The following ADK variants were observed in gnomAD, a reference collection of about 807,000 sequenced individuals.
ADK encodes adenosine kinase.
ADK carries 24 observed loss-of-function variants against 44.7 expected under a neutral mutation model. The observed-to-expected ratio is 0.54, with a 90% CI of 0.39 to 0.76. ADK has a LOEUF of 0.76. ADK is among the 30% of genes least tolerant of loss of function. ADK has a pLI of 0.00. For missense variants in ADK, 321 were observed against 425.1 expected, an observed-to-expected ratio of 0.76 and a Z score of 2.15; for synonymous variants, 128 against 142.6, an observed-to-expected ratio of 0.90 and a Z score of 0.73.
intron 6 of ADK, among the ~76,000 whole-genome samples, chr10:74,404,033 C>A (rs140053748): frequency 1.3e-5 from 2 of 152,060 alleles, no homozygotes; most frequent in East Asian, 3.9e-4. Context: ...CCACCATGCC[C>A]GGCTAATTTT....
chr10:74,372,627 G>A (rs979234130), intron 4 of ADK, among the ~76,000 whole-genome samples: 5 of 151,920 alleles, frequency 3.3e-5, no homozygotes, highest in Non-Finnish European at 7.4e-5. Context: ...AAGAAATAAT[G>A]TACTTAAGTA....
chr10:74,527,639 C>T (rs1406005135), intron 7 of ADK: 2 of 815,466 alleles, frequency 2.5e-6, no homozygotes, highest in Non-Finnish European at 4.4e-6. Context: ...ATCTTATGGC[C>T]TCTGAATATT....
chr10:74,686,454 G>A (rs529130400), intron 10 of ADK, among the ~76,000 whole-genome samples: 1 of 152,202 alleles, frequency 6.6e-6, no homozygotes, highest in African/African-American at 2.4e-5. Flanking sequence ...GAGGCTTCAT[G>A]CAGCATTTGG....
At chr10:74,185,818 CA>C (rs1164019596) in intron 1 of ADK, among the ~76,000 whole-genome samples, 1 of 104,202 alleles carries the variant, frequency 9.6e-6, no homozygotes, top group African/African-American at 3.7e-5. Flanking sequence ...GCCTGGGCGA[CA>C]AAGCGAGACT....
In ADK at chr10:74,475,524, A is replaced by G. The variant is rs377472041; in HGVS notation, c.556-49732A>G. On this transcript the variant is annotated intron_variant, in intron 6 of 10. Coordinates refer to ENST00000539909, the MANE Select transcript of ADK (RefSeq NM_006721.4). ...CCAGGAGTTTGAGACCAGCCTGGACAATGTAGTAAGACCCCCATCTCTTAA... is the reference window on the plus strand; with the variant it reads ...CCAGGAGTTTGAGACCAGCCTGGACGATGTAGTAAGACCCCCATCTCTTAA... Among the ~76,000 whole-genome samples, 27 of 141,948 alleles carry G rather than the reference A, an allele frequency of 1.9e-4. 1 individual carries two copies. The South Asian group carries it at 2.3e-3, about 12-fold the overall frequency. 93.1% of individuals were successfully genotyped at this position (141,948 alleles called of 152,430 possible).
At chr10:74,465,888 T>G (rs1234014604) in intron 6 of ADK, among the ~76,000 whole-genome samples, 1 of 152,210 alleles carries the variant, frequency 6.6e-6, no homozygotes, top group African/African-American at 2.4e-5. Context: ...ATAATTTTTT[T>G]GTCTCAAACT....
chr10:74,571,574 G>A (rs1305869495), intron 7 of ADK, among the ~76,000 whole-genome samples: 8 of 152,236 alleles, frequency 5.3e-5, no homozygotes, highest in African/African-American at 9.6e-5. Flanking sequence ...GTTTATTTGC[G>A]TAGAGGTGTT....
At chr10:74,608,004 T>G (rs1852394182) in intron 9 of ADK, among the ~76,000 whole-genome samples, 1 of 151,676 alleles carries the variant, frequency 6.6e-6, no homozygotes, top group African/African-American at 2.4e-5. Flanking sequence ...TGATATCCTT[T>G]CTTCTGCTTG....
chr10:74,409,522 C>T (rs912737103), intron 6 of ADK, among the ~76,000 whole-genome samples: 3 of 152,096 alleles, frequency 2.0e-5, no homozygotes, highest in Non-Finnish European at 4.4e-5. Context: ...TCCTTTAGCA[C>T]TCATGCCTAT....
intron 4 of ADK, among the ~76,000 whole-genome samples, chr10:74,338,479 A>T (rs1408500332): frequency 2.0e-5 from 3 of 152,240 alleles, no homozygotes; most frequent in African/African-American, 7.2e-5. Context: ...TATTTACATC[A>T]GCTTAATTTG....
intron 5 of ADK, among the ~76,000 whole-genome samples, chr10:74,396,291 T>C (rs939193231): frequency 4.6e-5 from 7 of 152,064 alleles, no homozygotes; most frequent in Admixed American, 4.6e-4. Context: ...CCTAACACTT[T>C]AGGAGACCGA....
chr10:74,352,374 G>C (rs1161710401), intron 4 of ADK, among the ~76,000 whole-genome samples: 1 of 152,196 alleles, frequency 6.6e-6, no homozygotes. Context: ...CTAGCCATAT[G>C]CAGAAAATTG....
chr10:74,628,029 G>A (rs1314288520), intron 9 of ADK, among the ~76,000 whole-genome samples: 1 of 152,074 alleles, frequency 6.6e-6, no homozygotes, highest in African/African-American at 2.4e-5. Flanking sequence ...ATCATAATGG[G>A]GATCATTAGG....
At position 74,316,252 on chromosome 10, in the gene ADK, G is replaced by A. The variant is rs568928006; in HGVS notation, c.273+1507G>A. ...GAGACTCCATCTCAAAAAAAAAAAA[G>A]AGAGAAAAAAAGGATGATTTACTTA... On this transcript the variant is annotated intron_variant, in intron 4 of 10. Transcript: ENST00000539909. Among the ~76,000 whole-genome samples the A allele has an allele frequency of 1.9e-3, 280 of 151,104 alleles. 3 individuals carry two copies. The highest frequency in any genetic ancestry group is 6.7e-3 in the African/African-American group (276 of 41,146).
At chr10:74,669,015 C>T (rs1196227173) in intron 9 of ADK, among the ~76,000 whole-genome samples, 1 of 151,112 alleles carries the variant, frequency 6.6e-6, no homozygotes, top group East Asian at 1.9e-4. Context: ...TGCACTCCAG[C>T]CTGGATGACA....
intron 3 of ADK, among the ~76,000 whole-genome samples, chr10:74,241,161 G>A (rs991468502): frequency 3.3e-5 from 5 of 152,232 alleles, no homozygotes; most frequent in African/African-American, 1.2e-4. Context: ...TTCAGCATAC[G>A]GTGTAATATC....
intron 6 of ADK, among the ~76,000 whole-genome samples, chr10:74,438,740 C>T (rs1333501877): frequency 6.6e-6 from 1 of 151,772 alleles, no homozygotes; most frequent in Non-Finnish European, 1.5e-5. Flanking sequence ...CCTCCTTTAC[C>T]CCCTCTTTTT....
chr10:74,499,533 A>G (rs1847816344), intron 6 of ADK, among the ~76,000 whole-genome samples: 1 of 151,956 alleles, frequency 6.6e-6, no homozygotes, highest in Non-Finnish European at 1.5e-5. Flanking sequence ...CTAAAAATAC[A>G]AAAAATTAGC....
At chr10:74,224,510 G>T (rs1199658171) in intron 2 of ADK, 28 bp from the exon 3 acceptor site, 1 of 1,595,410 alleles carries the variant, frequency 6.3e-7, no homozygotes, top group Non-Finnish European at 8.6e-7. Context: ...TGTGTATGAA[G>T]AGTGTAATTT....
Sources: allele counts gnomAD v4.1 joint callset (sites outside exome capture counted in the v4.1 genomes callset), GRCh38; gene constraint gnomAD v4.1.1; transcripts MANE v1.5; gene names NCBI Gene and HGNC (gene_info 2026-07-23, HGNC 2026-07-21).